The following RNF17 variants were observed in gnomAD, a reference collection of about 807,000 sequenced individuals.
RNF17 encodes ring finger protein 17, also known as spermatogenesis associated 23.
Under a neutral mutation model 200.5 loss-of-function variants are expected in RNF17, and 31 were observed. The ratio of observed to expected loss-of-function variants is 0.15; its 90% confidence interval spans 0.12 to 0.21. The LOEUF is 0.21. Among genes scored for constraint, RNF17 ranks in the 10% least tolerant of loss-of-function variants. The pLI, the probability that RNF17 is intolerant of heterozygous loss-of-function variation, is 1.00. For missense variants in RNF17, 1,628 were observed against 1,905.1 expected (o/e 0.85, Z 2.71); for synonymous variants, 606 against 637.8 (o/e 0.95, Z 0.75).
At chr13:24,851,705 A>G in intron 24 of RNF17, 134 bp downstream of exon 24, 1 of 590,542 alleles carries the variant, frequency 1.7e-6, no homozygotes, top group South Asian at 2.3e-5. Flanking sequence ...GACCCTGAGG[A>G]GCCAGCTCAG....
chr13:24,778,321 A>G lies in RNF17; in HGVS notation c.344A>G (p.Lys115Arg). ...ATAAAGAATTGTTCTCAGGACTTTA[A>G]GAAGACTGCTGATCAGCTAACTACT... Reference protein sequence around the residue: ...KTIKNCSQDFKKTADQLTTGL... With the variant: ...KTIKNCSQDFRKTADQLTTGL... The change falls in exon 4 of 36, where the codon AAG (lysine) becomes AGG (arginine). Residue 115 changes from lysine to arginine, a missense_variant. Physicochemically the swap from Lys to Arg is conservative, Grantham distance 26 (BLOSUM62 2). Coordinates refer to ENST00000255324, the MANE Select transcript of RNF17 (RefSeq NM_031277.3). The G allele has an allele frequency of 1.9e-6, 3 of 1,612,244 alleles. No homozygotes were observed. Among genetic ancestry groups the G allele is most frequent in the East Asian group, 4.5e-5 (2 of 44,848 alleles).
At chr13:24,852,452 T>C (rs1177624822) in intron 24 of RNF17, among the ~76,000 whole-genome samples, 8 of 152,130 alleles carry the variant, frequency 5.3e-5, no homozygotes, top group Admixed American at 3.9e-4. Context: ...TTCTCTCTCT[T>C]TCTAGAGATT....
intron 2 of RNF17, among the ~76,000 whole-genome samples, chr13:24,771,506 A>C (rs1880693196): frequency 2.6e-5 from 4 of 151,638 alleles, no homozygotes; most frequent in Non-Finnish European, 5.9e-5. Context: ...TTTATGTGAT[A>C]GCAATATTAA....
rs61748313 is a variant in RNF17, at chr13:24,793,206, A to G, written c.1100A>G (p.Asn367Ser). 2.3e-3 allele frequency: 3,668 copies of G among 1,614,100 alleles called. 91 individuals are homozygous for G. In the African/African-American group the frequency reaches 0.044, roughly 19 times the overall value. Residue 367 changes from asparagine to serine, a missense_variant, in exon 10 of 36, where the codon AAT becomes AGT. This residue lies in a region of RNF17 where 502 missense variants were observed against 501.7 expected (regional missense o/e 1.00). Coordinates refer to ENST00000255324, the MANE Select transcript of RNF17 (RefSeq NM_031277.3). ...CCACCTCCTTTGCAACCTGAGACAA[A>G]TGATGTACATTTAGAAGCAAAAAAC... ...APPPPLQPETNDVHLEAKNFQ... is the reference protein window; with the variant it reads ...APPPPLQPETSDVHLEAKNFQ...
chr13:24,842,697 A>G (rs1412005086), intron 19 of RNF17, among the ~76,000 whole-genome samples: 1 of 152,096 alleles, frequency 6.6e-6, no homozygotes, highest in East Asian at 1.9e-4. Flanking sequence ...TGAGGTCAAG[A>G]CAAAGAATTC....
chr13:24,767,525 A>G (rs1879884887), intron 2 of RNF17, among the ~76,000 whole-genome samples, 159 bp downstream of exon 2: 1 of 152,190 alleles, frequency 6.6e-6, no homozygotes, highest in African/African-American at 2.4e-5. Flanking sequence ...TGAGGCGGGC[A>G]GATCACGAGA....
At chr13:24,756,439 TC>T in the RNF17 span, among the ~76,000 whole-genome samples, 1 of 152,162 alleles carries the variant, frequency 6.6e-6, no homozygotes, top group African/African-American at 2.4e-5. Context: ...TCATAATTCT[TC>T]CTCGTTTTGT....
chr13:24,779,896 A>T (rs1418550349), intron 5 of RNF17, 149 bp downstream of exon 5: 2 of 543,186 alleles, frequency 3.7e-6, no homozygotes, highest in Non-Finnish European at 6.3e-6. Flanking sequence ...CTTTTCCCAT[A>T]GCCTGCCAAG....
At chr13:24,879,593 A>G in intron 35 of RNF17, 144 bp from the exon 36 acceptor site, 1 of 222,814 alleles carries the variant, frequency 4.5e-6, no homozygotes, top group South Asian at 1.4e-4. Flanking sequence ...CTAAGCACAT[A>G]GAACTACTGA....
downstream of RNF17, chr13:24,882,403 T>A (rs1593523127): frequency 2.0e-5 from 3 of 152,190 alleles, no homozygotes; most frequent in African/African-American, 7.2e-5. Flanking sequence ...TGTAATTATT[T>A]ATTATATAAA....
At chr13:24,849,372 G>A (rs1891598515) in intron 22 of RNF17, among the ~76,000 whole-genome samples, 1 of 152,180 alleles carries the variant, frequency 6.6e-6, no homozygotes, top group African/African-American at 2.4e-5. Flanking sequence ...CAGGCCACAT[G>A]CAGCCCAGGA....
chr13:24,752,891 G>A, the RNF17 span, among the ~76,000 whole-genome samples: 2 of 152,176 alleles, frequency 1.3e-5, no homozygotes, highest in Admixed American at 6.5e-5. Context: ...AATCTTCGGC[G>A]TGGCCTGCGT....
At chr13:24,881,381 T>TCCAC, downstream of RNF17, among the ~76,000 whole-genome samples, 2 of 152,060 alleles carry the variant, frequency 1.3e-5, no homozygotes, top group Admixed American at 1.3e-4. Context: ...CCTCAAGTGA[T>TCCAC]CTGCCAACTT....
downstream of RNF17, chr13:24,882,328 A>T (rs910728259): frequency 8.6e-5 from 13 of 151,866 alleles, no homozygotes; most frequent in South Asian, 8.3e-4. Flanking sequence ...CCTGGAATTG[A>T]TAGATTTCAT....
At chr13:24,755,883 C>T in the RNF17 span, among the ~76,000 whole-genome samples, 1 of 152,114 alleles carries the variant, frequency 6.6e-6, no homozygotes, top group Admixed American at 6.5e-5. Context: ...TATGTTGTTT[C>T]ACCTTCAGTA....
chr13:24,868,442 C>T (rs1323655067), intron 30 of RNF17, among the ~76,000 whole-genome samples, 158 bp from the exon 31 acceptor site: 1 of 113,012 alleles, frequency 8.8e-6, no homozygotes, highest in Admixed American at 1.3e-4. Flanking sequence ...TGCACTCCAG[C>T]CTGGGCGACA....
chr13:24,771,717 A>T (rs1344871451), intron 2 of RNF17, among the ~76,000 whole-genome samples: 1 of 150,100 alleles, frequency 6.7e-6, no homozygotes, highest in Non-Finnish European at 1.5e-5. Context: ...ACGTTTTTTT[A>T]AAGAAGTATA....
the RNF17 span, among the ~76,000 whole-genome samples, chr13:24,888,391 T>C: frequency 2.0e-5 from 3 of 152,148 alleles, no homozygotes; most frequent in South Asian, 2.1e-4. Flanking sequence ...AAATTTTAAA[T>C]GGACAAAGGA....
downstream of RNF17, chr13:24,883,103 C>T (rs1359925138): frequency 7.7e-7 from 1 of 1,304,486 alleles, no homozygotes; most frequent in Admixed American, 1.7e-5. Flanking sequence ...ATAAATTAAA[C>T]AGAATCCACA....
Sources: gnomAD v4.1 joint callset for allele counts (sites outside exome capture counted in the v4.1 genomes callset) on GRCh38, gnomAD v4.1.1 for gene constraint, gnomAD v4.1.1 regional missense constraint, MANE v1.5 for transcripts, NCBI Gene and HGNC (gene_info 2026-07-23, HGNC 2026-07-21) for gene names.